The following PCM1 variants were observed in gnomAD, a reference collection of about 807,000 sequenced individuals.
PCM1 encodes the protein pericentriolar material 1.
Under a neutral mutation model 241.9 loss-of-function variants are expected in PCM1, and 157 were observed. The observed-to-expected ratio is 0.65, with a 90% CI of 0.57 to 0.74. The LOEUF is 0.74. PCM1 is among the 30% of genes least tolerant of loss of function. The probability of loss-of-function intolerance (pLI) is 0.00; values close to 1 mark genes in which losing one functional copy is unlikely to be tolerated. For synonymous variants in PCM1, 1,085 were observed against 784.9 expected (o/e 1.38, Z -6.39); for missense variants, 3,478 against 2,360.1 (o/e 1.47, Z -9.81).
At position 17,995,741 on chromosome 8, in the gene PCM1, A is replaced by C. The variant is rs1039300612; in HGVS notation, c.4827+2122A>C. Among the ~76,000 whole-genome samples, 11 of 146,026 alleles carry C rather than the reference A, an allele frequency of 7.5e-5. 2 individuals are homozygous for C. The highest frequency in any genetic ancestry group is 3.1e-4 in the African/African-American group (11 of 35,752). ...TTTTGTGTCTTTTTAAATTTCTTTC[A>C]TCAGTGTTTTATAGTTTTCATTGTA... On this transcript the variant is annotated intron_variant, in intron 29 of 38. Transcript: ENST00000325083.
In PCM1 at chr8:17,966,044, T is replaced by C. The variant is rs2074754602; in HGVS notation, c.2901T>C (p.Pro967=). 12 of 1,613,416 alleles carry C rather than the reference T, an allele frequency of 7.4e-6. No homozygotes were observed. The highest frequency in any genetic ancestry group is 1.0e-5 in the Non-Finnish European group (12 of 1,179,702). Reference sequence around the variant, plus strand: ...TTTCGGCAGATGAAAATTATCGTCCTTTAGCCAAGACAAGGCAACAGAATA... The same window carrying C: ...TTTCGGCAGATGAAAATTATCGTCCCTTAGCCAAGACAAGGCAACAGAATA... ...CPFSADENYR[P]LAKTRQQNIS... is the part of the protein sequence containing the mutation. Residue 967 remains proline, a synonymous_variant, in exon 19 of 39, where the codon CCT becomes CCC. Coordinates refer to ENST00000325083, the MANE Select transcript of PCM1 (RefSeq NM_006197.4).
intron 2 of PCM1, among the ~76,000 whole-genome samples, chr8:17,935,069 C>T (rs967700919): frequency 1.3e-5 from 2 of 152,208 alleles, no homozygotes; most frequent in African/African-American, 2.4e-5. Flanking sequence ...TCTTTCCCTA[C>T]CTTCTTATCA....
intron 1 of PCM1, 123 bp from the exon 2 acceptor site, chr8:17,924,590 A>T (rs532365452): frequency 6.6e-6 from 1 of 152,330 alleles, no homozygotes; most frequent in African/African-American, 2.4e-5. Context: ...TGAATAAGTT[A>T]TATTTTTCCC....
Position 17,989,909 on chromosome 8 carries a change from A to C in PCM1, c.4461A>C (p.Gln1487His), listed in dbSNP as rs145539051. ...FERETHKISE[Q>H]NDADNASVLS... is the part of the protein sequence containing the mutation. ...GAGAAACCCATAAAATAAGTGAGCAAAATGATGCTGATAATGCTAGTGTCC... is the reference window on the plus strand; with the variant it reads ...GAGAAACCCATAAAATAAGTGAGCACAATGATGCTGATAATGCTAGTGTCC... The change falls in exon 27 of 39, where the codon CAA becomes CAC. Residue 1487 changes from glutamine (Q) to histidine (H), a missense_variant. Gln to His is a conservative substitution (Grantham distance 24). Coordinates refer to ENST00000325083, the MANE Select transcript of PCM1 (RefSeq NM_006197.4). The C allele has an allele frequency of 6.5e-7, 1 of 1,547,022 alleles. No individual in the cohort carries two copies. Among genetic ancestry groups the C allele is most frequent in the East Asian group, 2.5e-5 (1 of 40,800 alleles).
chr8:17,928,722 C>T (rs1342923560), intron 2 of PCM1, among the ~76,000 whole-genome samples: 1 of 150,606 alleles, frequency 6.6e-6, no homozygotes, highest in Non-Finnish European at 1.5e-5. Flanking sequence ...ACCTCTGCCT[C>T]CCGGGTTCAA....
At chr8:18,018,922 CATATAAT>C (rs1366410407) in intron 36 of PCM1, among the ~76,000 whole-genome samples, 2 of 125,258 alleles carry the variant, frequency 1.6e-5, no homozygotes, top group Non-Finnish European at 3.3e-5. Flanking sequence ...AAATATATAA[CATATAAT>C]ATATAACAAA....
At chr8:18,018,681 T>C (rs7001841) in intron 36 of PCM1, among the ~76,000 whole-genome samples, 114,579 of 150,726 alleles carry the variant, frequency 0.76, 43,978 homozygotes, top group Non-Finnish European at 0.79. Context: ...AGTGCTGATG[T>C]ACACCTGTAG....
intron 7 of PCM1, among the ~76,000 whole-genome samples, chr8:17,948,265 C>A (rs900132988): frequency 2.8e-4 from 41 of 146,494 alleles, no homozygotes; most frequent in Non-Finnish European, 5.4e-4. Context: ...TGCATTTTCA[C>A]AAGGAACGTT....
chr8:17,969,068 A>G (rs1564032036), intron 21 of PCM1, among the ~76,000 whole-genome samples: 5 of 150,022 alleles, frequency 3.3e-5, no homozygotes, highest in African/African-American at 1.2e-4. Context: ...GCTCTGATAC[A>G]TAACAGTATT....
chr8:17,956,535 T>C (rs1383999044), intron 10 of PCM1, 69 bp from the exon 11 acceptor site: 7 of 955,596 alleles, frequency 7.3e-6, no homozygotes, highest in South Asian at 1.5e-5. Flanking sequence ...TGCTATGATA[T>C]GAAAATAATG....
Position 17,937,123 on chromosome 8 carries a change from CT to C in PCM1, c.97-5del, listed in dbSNP as rs2060663951. 4 of 1,534,282 alleles carry C rather than the reference CT, an allele frequency of 2.6e-6. No homozygotes were observed. In the Admixed American group the frequency reaches 6.4e-5, roughly 25 times the overall value. On this transcript the variant is annotated splice_polypyrimidine_tract_variant and intron_variant, in intron 3 of 38. Coordinates refer to ENST00000325083, the MANE Select transcript of PCM1 (RefSeq NM_006197.4). ...CAGGCCATGTTAATTTTTGCTTTTA[CT>C]TTTTTAAAGGATTGGGGTGCCCAAC...
At position 17,937,235 on chromosome 8, in the gene PCM1, G is replaced by A. The variant is rs764198094; in HGVS notation, c.198G>A (p.Pro66=). The change falls in exon 4 of 39, where the codon CCG becomes CCA. Residue 66 remains proline, a synonymous_variant. Transcript: ENST00000325083. Reference sequence around the variant, plus strand: ...AAAGAGTAACCAATGATATTTCTCCGGAGTCGTCACCAGGAGTTGGAAGGC... The same window carrying A: ...AAAGAGTAACCAATGATATTTCTCCAGAGTCGTCACCAGGAGTTGGAAGGC... ...SDKRVTNDIS[P]ESSPGVGRRR... is the part of the protein sequence containing the mutation. The A allele has an allele frequency of 2.2e-5, 35 of 1,608,890 alleles. No homozygotes were observed. The Admixed American group carries it at 2.7e-4, about 12-fold the overall frequency.
At chr8:17,931,097 T>A (rs2058874193) in intron 2 of PCM1, among the ~76,000 whole-genome samples, 1 of 152,166 alleles carries the variant, frequency 6.6e-6, no homozygotes, top group South Asian at 2.1e-4. Flanking sequence ...AAATTTTGTT[T>A]TAAAAAATAC....
chr8:18,014,831 G>T lies in PCM1; in HGVS notation c.5832G>T (p.Val1944=), dbSNP rs970304635. 9.4e-6 allele frequency: 15 copies of T among 1,595,688 alleles called. No individual in the cohort carries two copies. Among genetic ancestry groups the T allele is most frequent in the Non-Finnish European group, 1.1e-5 (13 of 1,175,064 alleles). Residue 1944 remains valine, a synonymous_variant, in exon 36 of 39, where the codon GTG becomes GTT. Coordinates refer to ENST00000325083, the MANE Select transcript of PCM1 (RefSeq NM_006197.4). ...CTGATACTGAATCTCCAGTGTTAGT[G>T]AATGACTATGTATGTATCATTTACA... The part of the protein sequence containing the change: ...GSPDTESPVL[V]NDYEAESGNI...
chr8:17,938,643 A>C (rs922802149), intron 4 of PCM1, 97 bp from the exon 5 acceptor site: 3 of 811,040 alleles, frequency 3.7e-6, no homozygotes, highest in Non-Finnish European at 6.1e-6. Context: ...CACCTTCTGA[A>C]TCAATATCTG....
At chr8:17,924,130 C>A (rs1342085649) in intron 1 of PCM1, among the ~76,000 whole-genome samples, 1 of 152,124 alleles carries the variant, frequency 6.6e-6, no homozygotes, top group East Asian at 1.9e-4. Context: ...GCTTTCCAGA[C>A]TCCGCCTGCT....
intron 36 of PCM1, among the ~76,000 whole-genome samples, chr8:18,020,005 C>T (rs1041535790): frequency 1.3e-5 from 2 of 152,196 alleles, no homozygotes; most frequent in African/African-American, 4.8e-5. Context: ...CCACATTTCT[C>T]TGCTGGCTTC....
chr8:17,950,578 T>G (rs1586543746), intron 7 of PCM1, 37 bp from the exon 8 acceptor site: 6 of 1,011,360 alleles, frequency 5.9e-6, no homozygotes, highest in Non-Finnish European at 6.0e-6. Flanking sequence ...GGTGTTTGAT[T>G]ATTTACATTA....
intron 33 of PCM1, 93 bp downstream of exon 33, chr8:18,011,459 A>T (rs980398348): frequency 1.3e-5 from 15 of 1,199,508 alleles, no homozygotes; most frequent in African/African-American, 1.6e-5. Flanking sequence ...GTATAAAATT[A>T]AGTGTCAAAG....
Sources: gnomAD v4.1 joint callset for allele counts (sites outside exome capture counted in the v4.1 genomes callset) on GRCh38, gnomAD v4.1.1 for gene constraint, MANE v1.5 for transcripts, NCBI Gene and HGNC (gene_info 2026-07-23, HGNC 2026-07-21) for gene names.